LRRTM3: variants seen among roughly 807,000 people sequenced by gnomAD.
LRRTM3 encodes the protein leucine rich repeat transmembrane neuronal 3.
Under a neutral mutation model 44.7 loss-of-function variants are expected in LRRTM3, and 24 were observed. That is an observed-to-expected ratio of 0.54 (90% CI 0.39 to 0.76). LRRTM3 has a LOEUF of 0.76. Among genes scored for constraint, LRRTM3 ranks in the 30% least tolerant of loss-of-function variants. LRRTM3 has a pLI of 0.00. For missense variants in LRRTM3, 587 were observed against 702.2 expected, an observed-to-expected ratio of 0.84 and a Z score of 1.85; for synonymous variants, 277 against 278.7, an observed-to-expected ratio of 0.99 and a Z score of 0.06.
intron 2 of LRRTM3, among the ~76,000 whole-genome samples, chr10:67,003,012 T>G (rs1851771868): frequency 6.6e-6 from 1 of 152,162 alleles, no homozygotes; most frequent in African/African-American, 2.4e-5. Context: ...GCTTTCACGG[T>G]AATTATGATA....
chr10:67,087,277 T>C (rs983314430), intron 2 of LRRTM3, among the ~76,000 whole-genome samples: 3 of 151,900 alleles, frequency 2.0e-5, no homozygotes, highest in African/African-American at 7.2e-5. Flanking sequence ...AGTCCATTAG[T>C]GGAAAAGCTA....
At chr10:66,960,577 A>G (rs1471967798) in intron 2 of LRRTM3, among the ~76,000 whole-genome samples, 1 of 152,166 alleles carries the variant, frequency 6.6e-6, no homozygotes, top group African/African-American at 2.4e-5. Flanking sequence ...ACTACAAGAG[A>G]AAAGAGAGAA....
At chr10:66,992,209 T>C (rs1330811815) in intron 2 of LRRTM3, among the ~76,000 whole-genome samples, 1 of 152,226 alleles carries the variant, frequency 6.6e-6, no homozygotes, top group Admixed American at 6.5e-5. Context: ...TTTTATCATC[T>C]AATGGCTGTG....
intron 2 of LRRTM3, among the ~76,000 whole-genome samples, chr10:67,050,346 A>G (rs1855007303): frequency 6.6e-6 from 1 of 152,160 alleles, no homozygotes; most frequent in South Asian, 2.1e-4. Context: ...TTCTTTTTGC[A>G]ACTGAATTTT....
Position 67,089,978 on chromosome 10 carries a change from T to C in LRRTM3, c.1537-7609T>C, listed in dbSNP as rs540594699. 5.9e-5 allele frequency among the ~76,000 whole-genome samples: 9 copies of C among 152,208 alleles called. No individual in the cohort carries two copies. The South Asian group carries it at 1.4e-3, about 25-fold the overall frequency. On this transcript the variant is annotated intron_variant, in intron 2 of 2. Transcript: ENST00000361320. The stretch of plus-strand genomic sequence containing the variant: ...AAAATTCAAGACAAGTATAGTCTCA[T>C]ATGAAACAAAATAATCAAACTACAG...
intron 2 of LRRTM3, among the ~76,000 whole-genome samples, chr10:67,065,113 G>A (rs1855997323): frequency 6.6e-6 from 1 of 152,098 alleles, no homozygotes; most frequent in Non-Finnish European, 1.5e-5. Flanking sequence ...ATGACATGAG[G>A]TAAGAAATTC....
intron 2 of LRRTM3, among the ~76,000 whole-genome samples, chr10:66,947,685 G>A (rs1848343127): frequency 6.6e-6 from 1 of 151,670 alleles, no homozygotes; most frequent in African/African-American, 2.4e-5. Context: ...CTTTCATTCT[G>A]TTTTCAAATA....
rs542356186 is a variant in LRRTM3, at chr10:67,037,559, G to A, written c.1537-60028G>A. Among the ~76,000 whole-genome samples, 510 of 152,220 alleles carry A rather than the reference G, an allele frequency of 3.4e-3. 1 individual carries two copies. Among genetic ancestry groups the A allele is most frequent in the Non-Finnish European group, 5.1e-3 (349 of 67,996 alleles). ...ATTTCAGGTAGATTCACATGTAGAA[G>A]AGATTTGAATGAAGTATGACTGGAT... On this transcript the variant is annotated intron_variant, in intron 2 of 2. Transcript: ENST00000361320.
chr10:67,033,728 A>G (rs1194597552), intron 2 of LRRTM3, among the ~76,000 whole-genome samples: 1 of 152,190 alleles, frequency 6.6e-6, no homozygotes, highest in Non-Finnish European at 1.5e-5. Context: ...AAACCCAAGT[A>G]GCCCACTTCT....
intron 2 of LRRTM3, among the ~76,000 whole-genome samples, chr10:66,997,114 T>C (rs1453683723): frequency 6.6e-6 from 1 of 152,208 alleles, no homozygotes; most frequent in Non-Finnish European, 1.5e-5. Flanking sequence ...GAGCAGAAGA[T>C]GATCTGCACA....
intron 2 of LRRTM3, among the ~76,000 whole-genome samples, chr10:67,046,950 A>AT (rs1854790587): frequency 2.0e-5 from 3 of 152,202 alleles, no homozygotes; most frequent in Non-Finnish European, 4.4e-5. Context: ...AAGAAGAAAT[A>AT]ATTACCAATT....
intron 2 of LRRTM3, among the ~76,000 whole-genome samples, chr10:67,093,750 C>T (rs1372321120): frequency 6.6e-6 from 1 of 151,946 alleles, no homozygotes; most frequent in Non-Finnish European, 1.5e-5. Flanking sequence ...TGAAAAATAC[C>T]ATATGCAGAT....
At chr10:66,967,139 A>G (rs1770996916) in intron 2 of LRRTM3, among the ~76,000 whole-genome samples, 1 of 152,030 alleles carries the variant, frequency 6.6e-6, no homozygotes, top group African/African-American at 2.4e-5. Flanking sequence ...TGGTTATAGC[A>G]AAAAATAGAC....
intron 2 of LRRTM3, among the ~76,000 whole-genome samples, chr10:67,082,976 A>G (rs753105909): frequency 3.9e-5 from 6 of 152,160 alleles, no homozygotes; most frequent in Non-Finnish European, 8.8e-5. Context: ...TGAACCAGAC[A>G]GGCATTTCTG....
At chr10:67,057,386 T>C (rs935516883) in intron 2 of LRRTM3, among the ~76,000 whole-genome samples, 4 of 152,122 alleles carry the variant, frequency 2.6e-5, no homozygotes, top group African/African-American at 9.7e-5. Flanking sequence ...TATTCATAAC[T>C]ACTAGTTTGT....
At chr10:67,096,745 AC>A (rs1385011814) in intron 2 of LRRTM3, among the ~76,000 whole-genome samples, 1 of 151,798 alleles carries the variant, frequency 6.6e-6, no homozygotes, top group Non-Finnish European at 1.5e-5. Flanking sequence ...CACTTTTAGA[AC>A]TTGCTTTCTT....
intron 2 of LRRTM3, among the ~76,000 whole-genome samples, chr10:67,081,601 T>A (rs949112483): frequency 2.6e-5 from 4 of 152,212 alleles, no homozygotes; most frequent in Non-Finnish European, 4.4e-5. Context: ...ATCTCTCGCC[T>A]ACCATTTTGC....
chr10:66,970,299 T>C (rs2132822002), intron 2 of LRRTM3, among the ~76,000 whole-genome samples: 1 of 152,292 alleles, frequency 6.6e-6, no homozygotes, highest in South Asian at 2.1e-4. Context: ...GTTACTCTGT[T>C]GTATTTTCAC....
chr10:67,006,795 A>T (rs1475108643), intron 2 of LRRTM3, among the ~76,000 whole-genome samples: 2 of 107,658 alleles, frequency 1.9e-5, no homozygotes, highest in African/African-American at 6.2e-5. Flanking sequence ...TTACAGTCTT[A>T]AATTTTTTTT....
Sources: gnomAD v4.1 joint callset for allele counts (sites outside exome capture counted in the v4.1 genomes callset) on GRCh38, gnomAD v4.1.1 for gene constraint, MANE v1.5 for transcripts, NCBI Gene and HGNC (gene_info 2026-07-23, HGNC 2026-07-21) for gene names.